The following PLD1 variants were observed in gnomAD, a reference collection of about 807,000 sequenced individuals.
PLD1 encodes the protein choline phosphatase 1.
Under a neutral mutation model 137.1 loss-of-function variants are expected in PLD1, and 112 were observed. The observed-to-expected ratio is 0.82, with a 90% CI of 0.70 to 0.96. The LOEUF (loss-of-function observed/expected upper bound fraction) is 0.96. Ranked by LOEUF, PLD1 falls within the 40% of genes least tolerant of loss-of-function variation. The probability of loss-of-function intolerance (pLI) is 0.00; values close to 1 mark genes in which losing one functional copy is unlikely to be tolerated. For synonymous variants in PLD1, 431 were observed against 454.7 expected (o/e 0.95, Z 0.66); for missense variants, 1,321 against 1,342.0 (o/e 0.98, Z 0.24).
At chr3:171,801,262 G>A (rs759857172) in intron 1 of PLD1, among the ~76,000 whole-genome samples, 16 of 152,172 alleles carry the variant, frequency 1.1e-4, no homozygotes, top group Non-Finnish European at 2.1e-4. Context: ...CCTGAAGAGG[G>A]GCTATTGCAA....
intron 25 of PLD1, chr3:171,611,438 G>A (rs1732649120): frequency 2.8e-6 from 1 of 356,720 alleles, no homozygotes; most frequent in Admixed American, 3.6e-5. Context: ...AAACACAACA[G>A]GGGACGTGGA....
intron 19 of PLD1, among the ~76,000 whole-genome samples, chr3:171,672,284 C>T (rs1054014653): frequency 3.9e-5 from 6 of 152,202 alleles, no homozygotes; most frequent in East Asian, 1.9e-4. Context: ...GCCCTCTCGA[C>T]ACCCAAGTGT....
intron 1 of PLD1, among the ~76,000 whole-genome samples, chr3:171,799,155 A>G (rs138539130): frequency 0.012 from 1,884 of 152,208 alleles, 40 homozygotes; most frequent in African/African-American, 0.044. Context: ...CCTGACCAAC[A>G]CGGTGAAACC....
intron 1 of PLD1, among the ~76,000 whole-genome samples, chr3:171,806,681 G>A (rs1723860681): frequency 6.6e-6 from 1 of 152,134 alleles, no homozygotes; most frequent in Non-Finnish European, 1.5e-5. Context: ...CATCTGGGAT[G>A]GACAGGAAAT....
chr3:171,731,438 T>C (rs1404573868), intron 6 of PLD1, among the ~76,000 whole-genome samples: 2 of 152,170 alleles, frequency 1.3e-5, no homozygotes, highest in Non-Finnish European at 2.9e-5. Flanking sequence ...TATGCTTGAA[T>C]CATATTGAAC....
chr3:171,646,610 G>C (rs1281741638), intron 21 of PLD1, among the ~76,000 whole-genome samples: 2 of 151,072 alleles, frequency 1.3e-5, no homozygotes, highest in African/African-American at 4.9e-5. Flanking sequence ...GTTCAAGTTT[G>C]CTGCTTGGTA....
At chr3:171,637,918 C>T (rs150134773) in intron 23 of PLD1, among the ~76,000 whole-genome samples, 143 of 152,136 alleles carry the variant, frequency 9.4e-4, no homozygotes, top group African/African-American at 2.0e-3. Flanking sequence ...CGGTGGCTCA[C>T]GCCTGTAATC....
chr3:171,738,941 AACCAGGCCCTAGAATGGAAGGACGCTCAT>A (rs1560267057), intron 1 of PLD1, among the ~76,000 whole-genome samples: 1 of 152,186 alleles, frequency 6.6e-6, no homozygotes, highest in African/African-American at 2.4e-5. Context: ...AATCTGTTAA[AACCAGGCCCTAGAATGGAAGGACGCTCAT>A]ACCAGTAACT....
intron 11 of PLD1, among the ~76,000 whole-genome samples, chr3:171,705,998 T>C (rs1716650726): frequency 6.6e-6 from 1 of 152,188 alleles, no homozygotes; most frequent in Admixed American, 6.5e-5. Flanking sequence ...ATTTACTCTC[T>C]TGCTCTTTAA....
chr3:171,709,459 T>C (rs1237755791), intron 10 of PLD1, 101 bp downstream of exon 10: 3 of 951,904 alleles, frequency 3.2e-6, no homozygotes, highest in Non-Finnish European at 3.2e-6. Flanking sequence ...GTATAATGCA[T>C]AATCTTTCAC....
At chr3:171,699,964 CTA>C (rs1716095520) in intron 11 of PLD1, 138 bp from the exon 12 acceptor site, 1 of 685,392 alleles carries the variant, frequency 1.5e-6, no homozygotes, top group East Asian at 2.5e-5. Flanking sequence ...CAAAGCTTTA[CTA>C]TGAGTCTAGG....
chr3:171,738,336 T>C (rs891001294), intron 1 of PLD1, among the ~76,000 whole-genome samples: 6 of 151,804 alleles, frequency 4.0e-5, no homozygotes, highest in African/African-American at 7.3e-5. Context: ...CAACACCACA[T>C]TGAATGCCAA....
At chr3:171,721,652 T>C (rs907933837) in intron 8 of PLD1, 1 of 152,084 alleles carries the variant, frequency 6.6e-6, no homozygotes, top group African/African-American at 2.4e-5. Flanking sequence ...TAGGGAGGAG[T>C]GGTCAGAAGG....
chr3:171,722,190 A>G (rs1718177185), intron 8 of PLD1, among the ~76,000 whole-genome samples: 1 of 152,228 alleles, frequency 6.6e-6, no homozygotes, highest in African/African-American at 2.4e-5. Context: ...GATAAGAATC[A>G]GATGAGAATA....
intron 1 of PLD1, among the ~76,000 whole-genome samples, chr3:171,753,903 A>G (rs1335121572): frequency 1.3e-5 from 2 of 152,180 alleles, no homozygotes; most frequent in African/African-American, 2.4e-5. Flanking sequence ...TGAACCAAAC[A>G]TGCTCCATGC....
intron 23 of PLD1, among the ~76,000 whole-genome samples, chr3:171,627,246 A>T (rs1734202570): frequency 6.6e-6 from 1 of 152,210 alleles, no homozygotes; most frequent in Admixed American, 6.5e-5. Flanking sequence ...ACTAACAAAG[A>T]TCAAAAGAGA....
intron 1 of PLD1, among the ~76,000 whole-genome samples, chr3:171,780,327 T>A (rs1447351876): frequency 6.6e-6 from 1 of 152,170 alleles, no homozygotes; most frequent in Non-Finnish European, 1.5e-5. Flanking sequence ...TTTGGATACT[T>A]AAGTCTGAGA....
intron 25 of PLD1, among the ~76,000 whole-genome samples, chr3:171,608,946 T>C (rs1732425650): frequency 6.6e-6 from 1 of 152,062 alleles, no homozygotes; most frequent in South Asian, 2.1e-4. Context: ...TCTCCAAAGA[T>C]GACTAAAAGC....
At chr3:171,672,629 A>C (rs1218081369) in intron 19 of PLD1, among the ~76,000 whole-genome samples, 1 of 151,874 alleles carries the variant, frequency 6.6e-6, no homozygotes, top group Non-Finnish European at 1.5e-5. Context: ...CTGGGACCGC[A>C]AGCATGTGCC....
Sources: gnomAD v4.1 joint callset for allele counts (sites outside exome capture counted in the v4.1 genomes callset) on GRCh38, gnomAD v4.1.1 for gene constraint, MANE v1.5 for transcripts, NCBI Gene and HGNC (gene_info 2026-07-23, HGNC 2026-07-21) for gene names.